Variants in FRYL observed in about 807,000 individuals in gnomAD.
FRYL encodes protein furry homolog-like.
In FRYL, 150 loss-of-function variants were observed where a neutral mutation model predicts 351.2. The observed-to-expected ratio is 0.43, with a 90% CI of 0.37 to 0.49. The LOEUF (loss-of-function observed/expected upper bound fraction) is 0.49. FRYL is among the 20% of genes least tolerant of loss of function. The probability of loss-of-function intolerance (pLI) is 0.00; values close to 1 mark genes in which losing one functional copy is unlikely to be tolerated. For missense variants in FRYL, 3,036 were observed against 3,619.3 expected (o/e 0.84, Z 4.13); for synonymous variants, 1,153 against 1,257.1 (o/e 0.92, Z 1.75).
In FRYL at chr4:48,539,983, A is replaced by T. The variant is rs1164437195; in HGVS notation, c.6381T>A (p.Ser2127Arg). Residue 2127 changes from serine to arginine, a missense_variant, in exon 47 of 64, where the codon AGT (serine) becomes AGA (arginine). Coordinates refer to ENST00000358350, the MANE Select transcript of FRYL (RefSeq NM_015030.2). ...SPTQFCKETASRIAKVCAEEK... is the reference protein window; with the variant it reads ...SPTQFCKETARRIAKVCAEEK... ...AACATTTGCTTACCTTTGCTATTCG[A>T]CTAGCTGTTTCTTTGCAAAACTGAG... is the stretch of plus-strand genomic sequence containing the variant. 5 of 1,610,550 alleles carry T rather than the reference A, an allele frequency of 3.1e-6. No individual in the cohort carries two copies. The highest frequency in any genetic ancestry group is 3.4e-6 in the Non-Finnish European group (4 of 1,177,302).
chr4:48,706,268 ATAAAATGT>A (rs1767333143), intron 2 of FRYL, among the ~76,000 whole-genome samples: 2 of 152,238 alleles, frequency 1.3e-5, no homozygotes, highest in African/African-American at 4.8e-5. Context: ...TGATGGATGG[ATAAAATGT>A]GGTATGTAAA....
At chr4:48,778,666 G>A (rs1161966409) in intron 1 of FRYL, among the ~76,000 whole-genome samples, 1 of 152,326 alleles carries the variant, frequency 6.6e-6, no homozygotes, top group Non-Finnish European at 1.5e-5. Context: ...GAGTGATAAT[G>A]CTCAAGATGA....
At chr4:48,751,016 T>C (rs1357985017) in intron 1 of FRYL, among the ~76,000 whole-genome samples, 2 of 152,162 alleles carry the variant, frequency 1.3e-5, no homozygotes, top group Non-Finnish European at 2.9e-5. Flanking sequence ...CCCTTGGGAC[T>C]GAGGGGCACG....
chr4:48,613,065 G>T (rs879221058), intron 7 of FRYL, among the ~76,000 whole-genome samples: 3 of 152,060 alleles, frequency 2.0e-5, no homozygotes, highest in Non-Finnish European at 2.9e-5. Flanking sequence ...TTAAATTTTG[G>T]AATATTCACA....
chr4:48,671,862 A>AAC (rs1560832393), intron 3 of FRYL, among the ~76,000 whole-genome samples: 9 of 117,356 alleles, frequency 7.7e-5, no homozygotes, highest in Non-Finnish European at 1.2e-4. Flanking sequence ...CAAAAACAAA[A>AAC]AAAAAAAAAA....
At chr4:48,584,440 G>A (rs1191577969) in intron 19 of FRYL, among the ~76,000 whole-genome samples, 1 of 152,198 alleles carries the variant, frequency 6.6e-6, no homozygotes, top group Non-Finnish European at 1.5e-5. Flanking sequence ...TAGCTAGACA[G>A]ACTGAGGAGT....
chr4:48,581,880 A>G (rs1157801054), intron 20 of FRYL, among the ~76,000 whole-genome samples: 2 of 152,132 alleles, frequency 1.3e-5, no homozygotes, highest in South Asian at 2.1e-4. Flanking sequence ...TCTGATTTCT[A>G]TGTGGAAAAT....
At position 48,633,462 on chromosome 4, in the gene FRYL, A is replaced by G. The variant is rs532566669; in HGVS notation, c.120+829T>C. 3.5e-4 allele frequency among the ~76,000 whole-genome samples: 54 copies of G among 152,292 alleles called. No homozygotes were observed. In the Middle Eastern group the frequency reaches 0.02, roughly 58 times the overall value. On this transcript the variant is annotated intron_variant, in intron 4 of 63. Coordinates refer to ENST00000358350, the MANE Select transcript of FRYL (RefSeq NM_015030.2). ...CTTGAGTTCTCAAAAAGAATTTCCA[A>G]CTACCAATCAAGCAACTAATTCCAT...
chr4:48,567,146 T>A lies in FRYL; in HGVS notation c.3169+102A>T. 6 of 914,746 alleles carry A rather than the reference T, an allele frequency of 6.6e-6. 1 individual carries two copies. The Admixed American group carries it at 1.9e-4, about 29-fold the overall frequency. 56.7% of individuals were successfully genotyped at this position (914,746 alleles called of 1,614,324 possible). ...ATGCTGACATATTTTTCCAGTATGT[T>A]CATACGTTACTTTATCAACTTAGAT... is the stretch of plus-strand genomic sequence containing the variant. On this transcript the variant is annotated intron_variant, in intron 28 of 63. Transcript: ENST00000358350. This position sits in a 1 kb window ranked among gnomAD's most constrained non-coding sequence, Gnocchi z 4.2.
At chr4:48,525,064 GA>G (rs528826304) in intron 53 of FRYL, among the ~76,000 whole-genome samples, 1,485 of 82,134 alleles carry the variant, frequency 0.018, 16 homozygotes, top group Middle Eastern at 0.051. Flanking sequence ...TACACTTTTT[GA>G]AAAAAAAAAA....
In FRYL at chr4:48,540,656, T is replaced by C. The variant is rs549057663; in HGVS notation, c.5992A>G (p.Asn1998Asp). The change falls in exon 46 of 64, where the codon AAC (asparagine) becomes GAC (aspartate). Residue 1998 changes from asparagine to aspartate, a missense_variant. By Grantham distance (23) the Asn-to-Asp change is conservative. This residue lies in a region of FRYL where 1,987 missense variants were observed against 2,311.7 expected (regional missense o/e 0.86). Coordinates refer to ENST00000358350, the MANE Select transcript of FRYL (RefSeq NM_015030.2). ...ATCCAAAAAATGGTGGCCATCAAGT[T>C]GGTAGGCTCAGTAGTGGACTGCACG... ...YDVQSTTEPT[N>D]LMATIFWIAA... is the part of the protein sequence containing the mutation. The C allele has an allele frequency of 3.1e-6, 5 of 1,613,922 alleles. No homozygotes were observed. Among genetic ancestry groups the C allele is most frequent in the Non-Finnish European group, 4.2e-6 (5 of 1,179,942 alleles).
intron 41 of FRYL, chr4:48,546,612 G>T: frequency 4.6e-6 from 1 of 215,810 alleles, no homozygotes; most frequent in Non-Finnish European, 9.3e-6. Flanking sequence ...AATATGAACT[G>T]ATTTTTAACT....
At chr4:48,550,421 T>C (rs1227453949) in intron 38 of FRYL, 171 bp downstream of exon 38, 1 of 562,988 alleles carries the variant, frequency 1.8e-6, no homozygotes, top group African/African-American at 1.9e-5. Context: ...TTCACCCAAT[T>C]ACGTTGCTTC....
intron 11 of FRYL, among the ~76,000 whole-genome samples, chr4:48,604,836 T>C (rs930428704): frequency 1.6e-4 from 24 of 152,132 alleles, no homozygotes; most frequent in African/African-American, 3.9e-4. Flanking sequence ...TAATGGACCA[T>C]TGTCAAGTGC....
chr4:48,758,774 A>T (rs1200012189), intron 1 of FRYL, among the ~76,000 whole-genome samples: 1 of 152,250 alleles, frequency 6.6e-6, no homozygotes, highest in African/African-American at 2.4e-5. Flanking sequence ...ATAAAGACAC[A>T]TGAACACGTA....
intron 17 of FRYL, among the ~76,000 whole-genome samples, chr4:48,590,202 G>A (rs1742947923): frequency 6.6e-6 from 1 of 152,166 alleles, no homozygotes; most frequent in Non-Finnish European, 1.5e-5. Context: ...TTCACTGTGG[G>A]CTGAGCATGG....
intron 3 of FRYL, among the ~76,000 whole-genome samples, chr4:48,650,741 G>C (rs374038783): frequency 3.9e-5 from 6 of 152,168 alleles, no homozygotes; most frequent in African/African-American, 1.4e-4. Context: ...GACATGAAGA[G>C]CCAGCTTTTA....
intron 3 of FRYL, among the ~76,000 whole-genome samples, chr4:48,654,309 A>AAC (rs1553964102): frequency 6.8e-6 from 1 of 146,760 alleles, no homozygotes; most frequent in Non-Finnish European, 1.5e-5. Flanking sequence ...AAAAAAAAAA[A>AAC]AAAAACAAAA....
chr4:48,737,888 T>A (rs754053748), intron 1 of FRYL, among the ~76,000 whole-genome samples: 2 of 152,178 alleles, frequency 1.3e-5, no homozygotes, highest in African/African-American at 2.4e-5. Context: ...AGATGCAGAA[T>A]AAGCATCTGA....
Sources: gnomAD v4.1 joint callset for allele counts (sites outside exome capture counted in the v4.1 genomes callset) on GRCh38, gnomAD v4.1.1 for gene constraint, gnomAD v4.1.1 regional missense constraint, Gnocchi (gnomAD v3.1) non-coding constraint, MANE v1.5 for transcripts, NCBI Gene and HGNC (gene_info 2026-07-23, HGNC 2026-07-21) for gene names.